Variants in FBXL5 observed in about 807,000 individuals in gnomAD.
FBXL5 encodes F-box/LRR-repeat protein 5.
A neutral mutation model predicts 78.3 loss-of-function variants in FBXL5; 26 were observed. The observed-to-expected ratio is 0.33, with a 90% CI of 0.24 to 0.46. FBXL5 has a LOEUF of 0.46. Ranked by LOEUF, FBXL5 falls within the 20% of genes least tolerant of loss-of-function variation. The pLI, the probability that FBXL5 is intolerant of heterozygous loss-of-function variation, is 1.00. For missense variants in FBXL5, 710 were observed against 829.2 expected (o/e 0.86, Z 1.77); for synonymous variants, 295 against 282.5 (o/e 1.04, Z -0.45).
chr4:15,628,187 G>GA (rs1377590715), intron 6 of FBXL5, among the ~76,000 whole-genome samples, 154 bp from the exon 7 acceptor site: 1 of 151,774 alleles, frequency 6.6e-6, no homozygotes, highest in Non-Finnish European at 1.5e-5. Flanking sequence ...AAAGGTTTTG[G>GA]AAAAAAATGT....
chr4:15,640,815 A>G lies in FBXL5; in HGVS notation c.369T>C (p.Phe123=). The G allele has an allele frequency of 6.4e-7, 1 of 1,570,652 alleles. No individual in the cohort carries two copies. The highest frequency in any genetic ancestry group is 1.8e-4 in the Middle Eastern group (1 of 5,692). ...KERLEAFTRD[F]LPHMKEEEEV... ...CCTCTTCCTCTTTCATGTGAGGAAG[A>G]AAATCTCTTGTAAAAGCCTCCAATC... is the stretch of plus-strand genomic sequence containing the variant. The change falls in exon 3 of 11, where the codon TTT becomes TTC. Residue 123 remains phenylalanine (F), a synonymous_variant. Transcript: ENST00000341285.
intron 1 of FBXL5, among the ~76,000 whole-genome samples, chr4:15,673,508 C>T (rs1323044201): frequency 2.6e-5 from 4 of 152,294 alleles, no homozygotes; most frequent in Non-Finnish European, 4.4e-5. Flanking sequence ...ACCACAGACA[C>T]ATAAGACATC....
upstream of FBXL5, chr4:15,656,238 T>C: frequency 2.2e-6 from 1 of 456,170 alleles, no homozygotes; most frequent in Non-Finnish European, 4.4e-6. Flanking sequence ...CCCAGGAAAA[T>C]GTCTGCCTCT....
At chr4:15,652,633 A>G (rs1200552019) in intron 1 of FBXL5, among the ~76,000 whole-genome samples, 1 of 152,338 alleles carries the variant, frequency 6.6e-6, no homozygotes, top group East Asian at 1.9e-4. Context: ...CTAAAAAATA[A>G]GTAGACTAAC....
chr4:15,660,920 T>C (rs1246131756), upstream of FBXL5, among the ~76,000 whole-genome samples: 1 of 151,842 alleles, frequency 6.6e-6, no homozygotes, highest in East Asian at 1.9e-4. Context: ...CTACTAAAAA[T>C]ACAAAAATTA....
At chr4:15,638,818 T>C in intron 3 of FBXL5, 124 bp from the exon 4 acceptor site, 1 of 598,814 alleles carries the variant, frequency 1.7e-6, no homozygotes. Flanking sequence ...AGATAAAAAT[T>C]TTAGCTGTCA....
chr4:15,655,403 C>T, upstream of FBXL5: 1 of 1,016,658 alleles, frequency 9.8e-7, no homozygotes, highest in Non-Finnish European at 1.2e-6. Flanking sequence ...CGTCGGCGCG[C>T]GCGCCCGGTC....
intron 9 of FBXL5, among the ~76,000 whole-genome samples, chr4:15,617,254 G>C (rs776559287): frequency 3.3e-5 from 5 of 152,112 alleles, no homozygotes; most frequent in Non-Finnish European, 5.9e-5. Flanking sequence ...AGAAAATGTG[G>C]TACAAGGCCG....
At position 15,612,352 on chromosome 4, in the gene FBXL5, G is replaced by A; in HGVS notation, c.1913C>T (p.Thr638Ile). The change falls in exon 10 of 11, where the codon ACT (threonine) becomes ATT (isoleucine). Residue 638 changes from threonine to isoleucine, a missense_variant. Around this residue, in one of 4 missense-constraint regions of FBXL5, gnomAD observed 58 missense variants for 112.3 expected, o/e 0.52. Coordinates refer to ENST00000341285, the MANE Select transcript of FBXL5 (RefSeq NM_012161.4). ...LEHLNLSGCL[T>I]ITGAGLQDLV... ...ATCCTGCAGGCCTGCACCAGTTATAGTAAGACAACCAGAGAGATTAAGGTG... is the reference window on the plus strand; with the variant it reads ...ATCCTGCAGGCCTGCACCAGTTATAATAAGACAACCAGAGAGATTAAGGTG... The A allele has an allele frequency of 6.2e-7, 1 of 1,612,910 alleles. No individual in the cohort carries two copies. The highest frequency in any genetic ancestry group is 8.5e-7 in the Non-Finnish European group (1 of 1,179,402).
At chr4:15,653,918 T>C (rs1409997676) in intron 1 of FBXL5, among the ~76,000 whole-genome samples, 1 of 152,230 alleles carries the variant, frequency 6.6e-6, no homozygotes, top group Non-Finnish European at 1.5e-5. Flanking sequence ...CTAATAGTTT[T>C]TAGTTTAAGG....
intron 1 of FBXL5, among the ~76,000 whole-genome samples, chr4:15,650,954 A>T (rs1225468883): frequency 6.6e-6 from 1 of 152,194 alleles, no homozygotes; most frequent in Admixed American, 6.5e-5. Flanking sequence ...TGTCTCAGAC[A>T]TTCTACAGTG....
chr4:15,632,589 T>C (rs1166864240), intron 5 of FBXL5, among the ~76,000 whole-genome samples: 4 of 152,320 alleles, frequency 2.6e-5, no homozygotes, highest in Non-Finnish European at 1.5e-5. Context: ...TTTTATTTTG[T>C]TGAGCAGTGG....
At chr4:15,640,391 C>T (rs1248315090) in intron 3 of FBXL5, among the ~76,000 whole-genome samples, 2 of 38,138 alleles carry the variant, frequency 5.2e-5, no homozygotes, top group Admixed American at 4.4e-4. Flanking sequence ...AACTACACTA[C>T]TGAAAAAAAA....
intron 2 of FBXL5, among the ~76,000 whole-genome samples, chr4:15,642,501 G>T (rs1021441299): frequency 1.6e-4 from 24 of 152,218 alleles, no homozygotes; most frequent in Admixed American, 8.5e-4. Context: ...CTCCCAAAAT[G>T]CTAGAATTAC....
At chr4:15,660,215 C>T (rs114667404), upstream of FBXL5, among the ~76,000 whole-genome samples, 2,792 of 152,150 alleles carry the variant, frequency 0.018, 51 homozygotes, top group Non-Finnish European at 0.027. Context: ...ATAGCTAAGA[C>T]TACAGGCCCG....
At chr4:15,637,933 T>C (rs1377106198) in intron 4 of FBXL5, among the ~76,000 whole-genome samples, 3 of 150,576 alleles carry the variant, frequency 2.0e-5, no homozygotes, top group Admixed American at 1.3e-4. Context: ...CACGTTTTAT[T>C]TGCATTTCTC....
intron 5 of FBXL5, among the ~76,000 whole-genome samples, chr4:15,634,651 G>A (rs1714056064): frequency 6.6e-6 from 1 of 152,064 alleles, no homozygotes; most frequent in Non-Finnish European, 1.5e-5. Context: ...ACAGGTGTGA[G>A]CCACTGTGCC....
chr4:15,605,888 G>A (rs1288115890), intron 10 of FBXL5, 89 bp from the exon 11 acceptor site: 3 of 892,108 alleles, frequency 3.4e-6, no homozygotes, highest in African/African-American at 3.5e-5. Context: ...AACATTCATT[G>A]GTTTTACTAG....
chr4:15,612,198 T>C, intron 10 of FBXL5, 68 bp downstream of exon 10: 1 of 1,276,196 alleles, frequency 7.8e-7, no homozygotes, highest in Non-Finnish European at 1.0e-6. Flanking sequence ...ATGGAAAAAT[T>C]ATTAGAACTG....
Sources: allele counts gnomAD v4.1 joint callset (sites outside exome capture counted in the v4.1 genomes callset), GRCh38; gene constraint gnomAD v4.1.1; regional missense constraint gnomAD v4.1.1; transcripts MANE v1.5; gene names NCBI Gene and HGNC (gene_info 2026-07-23, HGNC 2026-07-21).